TMEM150C: variants seen among roughly 807,000 people sequenced by gnomAD.
TMEM150C encodes the protein tentonin 3.
Under a neutral mutation model 29.9 loss-of-function variants are expected in TMEM150C, and 10 were observed. The observed-to-expected ratio is 0.33, with a 90% confidence interval of 0.21 to 0.57. The LOEUF is 0.57. Among genes scored for constraint, TMEM150C ranks in the 20% least tolerant of loss-of-function variants. The pLI, the probability that TMEM150C is intolerant of heterozygous loss-of-function variation, is 0.88. For synonymous variants in TMEM150C, 101 were observed against 112.5 expected, an observed-to-expected ratio of 0.90 and a Z score of 0.64; for missense variants, 251 against 303.6, an observed-to-expected ratio of 0.83 and a Z score of 1.29.
intron 1 of TMEM150C, among the ~76,000 whole-genome samples, chr4:82,544,145 T>A (rs1725280395): frequency 6.6e-6 from 1 of 152,192 alleles, no homozygotes; most frequent in Admixed American, 6.5e-5. Flanking sequence ...CTAAGGTGCT[T>A]AAACACCCTA....
intron 1 of TMEM150C, among the ~76,000 whole-genome samples, chr4:82,550,944 T>G (rs1215294886): frequency 6.6e-6 from 1 of 152,040 alleles, no homozygotes; most frequent in Non-Finnish European, 1.5e-5. Context: ...GGTGAAGGCT[T>G]GAGAGTGAGT....
At chr4:82,501,572 G>T (rs2110068537) in intron 5 of TMEM150C, among the ~76,000 whole-genome samples, 1 of 152,260 alleles carries the variant, frequency 6.6e-6, no homozygotes, top group African/African-American at 2.4e-5. Context: ...CTGCACAGAA[G>T]CTCCCCAGCG....
chr4:82,513,161 G>C (rs182815230), intron 1 of TMEM150C, among the ~76,000 whole-genome samples: 4 of 152,212 alleles, frequency 2.6e-5, no homozygotes, highest in Non-Finnish European at 4.4e-5. Context: ...TTCCCAGCAG[G>C]GGTCGAGAGA....
chr4:82,529,046 A>G (rs1724747646), intron 1 of TMEM150C, among the ~76,000 whole-genome samples: 2 of 151,022 alleles, frequency 1.3e-5, no homozygotes, highest in Admixed American at 1.3e-4. Context: ...AGCAGGGGGC[A>G]GTCAGCACAC....
intron 5 of TMEM150C, chr4:82,496,404 C>T (rs1019241229): frequency 6.5e-5 from 32 of 494,096 alleles, no homozygotes; most frequent in Non-Finnish European, 1.1e-4. Context: ...AGAAACTTTC[C>T]ATGCAATGCT....
At chr4:82,556,635 T>C (rs1484703800) in intron 1 of TMEM150C, among the ~76,000 whole-genome samples, 1 of 152,064 alleles carries the variant, frequency 6.6e-6, no homozygotes, top group Non-Finnish European at 1.5e-5. Flanking sequence ...GCATTCTGGG[T>C]GACAGAGTGA....
chr4:82,513,520 A>G (rs1208970930), intron 1 of TMEM150C, among the ~76,000 whole-genome samples: 1 of 152,174 alleles, frequency 6.6e-6, no homozygotes, highest in Non-Finnish European at 1.5e-5. Flanking sequence ...TCATAAGGAA[A>G]ATGTGTGACT....
chr4:82,531,034 G>A (rs113391666), intron 1 of TMEM150C, among the ~76,000 whole-genome samples: 1 of 152,038 alleles, frequency 6.6e-6, no homozygotes, highest in African/African-American at 2.4e-5. Context: ...CCAACACTGG[G>A]GATTACATTT....
At chr4:82,507,127 C>G (rs1265451299) in intron 1 of TMEM150C, among the ~76,000 whole-genome samples, 1 of 152,126 alleles carries the variant, frequency 6.6e-6, no homozygotes, top group Non-Finnish European at 1.5e-5. Context: ...GTGGCAGTAC[C>G]TTGGAGGTTA....
intron 1 of TMEM150C, among the ~76,000 whole-genome samples, chr4:82,552,250 C>G (rs1292518350): frequency 6.6e-6 from 1 of 152,148 alleles, no homozygotes; most frequent in East Asian, 1.9e-4. Context: ...CTCGGGTATT[C>G]CTTTATAGCA....
chr4:82,511,002 G>A (rs930058910), intron 1 of TMEM150C, among the ~76,000 whole-genome samples: 2 of 152,144 alleles, frequency 1.3e-5, no homozygotes, highest in African/African-American at 4.8e-5. Context: ...ATGTTTGCAG[G>A]CTCTCGGATA....
At chr4:82,556,166 C>T (rs984597934) in intron 1 of TMEM150C, among the ~76,000 whole-genome samples, 9 of 151,570 alleles carry the variant, frequency 5.9e-5, no homozygotes, top group African/African-American at 9.7e-5. Context: ...TTAGTAGAGA[C>T]GGGGTTTTGC....
chr4:82,546,356 CA>C (rs1433444045), intron 1 of TMEM150C, among the ~76,000 whole-genome samples: 1 of 152,080 alleles, frequency 6.6e-6, no homozygotes, highest in Non-Finnish European at 1.5e-5. Context: ...TTACAGTAAC[CA>C]AAACAGCATA....
intron 6 of TMEM150C, among the ~76,000 whole-genome samples, chr4:82,492,121 TTG>T (rs1723373410): frequency 1.4e-4 from 7 of 49,620 alleles, no homozygotes; most frequent in African/African-American, 1.2e-3. Context: ...TTGTTTTTTG[TTG>T]TTGTTGTTGT....
At chr4:82,522,913 C>T (rs1268109345) in intron 1 of TMEM150C, among the ~76,000 whole-genome samples, 2 of 152,056 alleles carry the variant, frequency 1.3e-5, no homozygotes, top group Non-Finnish European at 2.9e-5. Context: ...AATAGAAACC[C>T]GACATGGAGA....
intron 1 of TMEM150C, among the ~76,000 whole-genome samples, chr4:82,547,550 T>C (rs1466326675): frequency 6.6e-6 from 1 of 151,520 alleles, no homozygotes; most frequent in African/African-American, 2.4e-5. Flanking sequence ...GATTGCACCA[T>C]TGCACTCCAA....
chr4:82,536,354 C>T, intron 1 of TMEM150C, among the ~76,000 whole-genome samples: 1 of 103,220 alleles, frequency 9.7e-6, no homozygotes, highest in East Asian at 2.9e-4. Flanking sequence ...GAGACTCCAT[C>T]TCAAAAAAAA....
intron 1 of TMEM150C, among the ~76,000 whole-genome samples, chr4:82,541,968 G>A (rs1250384456): frequency 6.6e-6 from 1 of 152,114 alleles, no homozygotes; most frequent in Non-Finnish European, 1.5e-5. Flanking sequence ...TGCGCAGTAA[G>A]GTAGAAATAC....
At chr4:82,545,747 T>C (rs903310169) in intron 1 of TMEM150C, among the ~76,000 whole-genome samples, 3 of 152,084 alleles carry the variant, frequency 2.0e-5, no homozygotes, top group Non-Finnish European at 4.4e-5. Flanking sequence ...CTGGCCAACA[T>C]GGCAAAACCC....
Sources: gnomAD v4.1 joint callset for allele counts (sites outside exome capture counted in the v4.1 genomes callset) on GRCh38, gnomAD v4.1.1 for gene constraint, MANE v1.5 for transcripts, NCBI Gene and HGNC (gene_info 2026-07-23, HGNC 2026-07-21) for gene names.